The following SKAP2 variants were observed in gnomAD, a reference collection of about 807,000 sequenced individuals.
The protein encoded by SKAP2 is src kinase associated phosphoprotein 2, also known as src kinase-associated phosphoprotein 2.
A neutral mutation model predicts 54.9 loss-of-function variants in SKAP2; 28 were observed. The ratio of observed to expected loss-of-function variants is 0.51; its 90% CI spans 0.38 to 0.70. SKAP2 has a LOEUF of 0.70. Among genes scored for constraint, SKAP2 ranks in the 30% least tolerant of loss-of-function variants. The pLI, the probability that SKAP2 is intolerant of heterozygous loss-of-function variation, is 0.00. For synonymous variants in SKAP2, 137 were observed against 134.3 expected (o/e 1.02, Z -0.14); for missense variants, 356 against 424.1 (o/e 0.84, Z 1.41).
chr7:26,698,680 C>T (rs371620192), intron 9 of SKAP2, among the ~76,000 whole-genome samples: 1 of 152,144 alleles, frequency 6.6e-6, no homozygotes, highest in African/African-American at 2.4e-5. Flanking sequence ...GCTGAATTAG[C>T]CATTTTTTTA....
At position 26,836,321 on chromosome 7, in the gene SKAP2, A is replaced by C. The variant is rs551850747; in HGVS notation, c.307+7709T>G. ...GACTAAAACACCAAAAGCAATGGCAACAAAAGCCAGAATTGACAAATGCAA... is the reference window on the plus strand; with the variant it reads ...GACTAAAACACCAAAAGCAATGGCACCAAAAGCCAGAATTGACAAATGCAA... On this transcript the variant is annotated intron_variant, in intron 4 of 12. Transcript: ENST00000345317. Among the ~76,000 whole-genome samples the C allele has an allele frequency of 2.0e-5, 3 of 152,376 alleles. No homozygotes were observed. In the South Asian group the frequency reaches 6.2e-4, roughly 32 times the overall value.
intron 4 of SKAP2, among the ~76,000 whole-genome samples, chr7:26,814,075 T>C (rs879895127): frequency 2.0e-5 from 3 of 152,174 alleles, no homozygotes; most frequent in Non-Finnish European, 2.9e-5. Flanking sequence ...ACGATGCTAC[T>C]CTATAAATAT....
chr7:26,691,509 A>G (rs1403000654), intron 9 of SKAP2, among the ~76,000 whole-genome samples: 1 of 152,376 alleles, frequency 6.6e-6, no homozygotes, highest in African/African-American at 2.4e-5. Flanking sequence ...CAATCAGTCA[A>G]TCAATCTTCA....
chr7:26,696,058 G>C lies in SKAP2; in HGVS notation c.797-5696C>G, dbSNP rs79117255. Reference sequence around the variant, plus strand: ...GGAAAAGTTAGAGTCGAATCTAAGGGGTATGGGCAAAAGATTCACAATTAT... The same window carrying C: ...GGAAAAGTTAGAGTCGAATCTAAGGCGTATGGGCAAAAGATTCACAATTAT... On this transcript the variant is annotated intron_variant, in intron 9 of 12. Transcript: ENST00000345317. Among the ~76,000 whole-genome samples the C allele has an allele frequency of 7.0e-3, 1,061 of 152,286 alleles. 16 individuals are homozygous for C. Among genetic ancestry groups the C allele is most frequent in the African/African-American group, 0.024 (996 of 41,560 alleles).
At chr7:26,674,441 T>A (rs971282728) in intron 11 of SKAP2, among the ~76,000 whole-genome samples, 2 of 152,204 alleles carry the variant, frequency 1.3e-5, no homozygotes, top group Non-Finnish European at 1.5e-5. Flanking sequence ...TTTGTAAGAA[T>A]CCTCTCATTT....
chr7:26,747,344 C>T (rs1028475358), intron 4 of SKAP2, among the ~76,000 whole-genome samples: 1 of 152,086 alleles, frequency 6.6e-6, no homozygotes, highest in African/African-American at 2.4e-5. Context: ...CCATAGAATT[C>T]TCAGGAGGGT....
At chr7:26,730,210 T>C (rs899439382) in intron 6 of SKAP2, among the ~76,000 whole-genome samples, 3 of 152,216 alleles carry the variant, frequency 2.0e-5, no homozygotes, top group African/African-American at 7.2e-5. Flanking sequence ...CACCATTATG[T>C]GGTAAGTCAT....
intron 1 of SKAP2, 103 bp from the exon 2 acceptor site, chr7:26,854,993 T>C: frequency 2.8e-6 from 2 of 726,614 alleles, no homozygotes; most frequent in South Asian, 4.1e-5. Context: ...TGTTAATACC[T>C]GTACAATTTG....
At chr7:26,777,348 C>T (rs1428651479) in intron 4 of SKAP2, among the ~76,000 whole-genome samples, 1 of 151,918 alleles carries the variant, frequency 6.6e-6, no homozygotes, top group African/African-American at 2.4e-5. Flanking sequence ...AGATCTTTTT[C>T]TCCCCTAAGA....
At chr7:26,859,610 G>A (rs1785240494) in intron 1 of SKAP2, among the ~76,000 whole-genome samples, 1 of 152,160 alleles carries the variant, frequency 6.6e-6, no homozygotes, top group South Asian at 2.1e-4. Context: ...TTGACTTTGG[G>A]AAGCTAAATG....
intron 4 of SKAP2, among the ~76,000 whole-genome samples, chr7:26,801,412 G>C (rs949792777): frequency 6.6e-6 from 1 of 152,104 alleles, no homozygotes; most frequent in East Asian, 1.9e-4. Context: ...TACTGAATGA[G>C]GAAAAACTGA....
At chr7:26,813,111 C>T (rs10257556) in intron 4 of SKAP2, among the ~76,000 whole-genome samples, 18 of 152,104 alleles carry the variant, frequency 1.2e-4, no homozygotes, top group Non-Finnish European at 2.6e-4. Flanking sequence ...CTACTAACTT[C>T]AATTTTTTTA....
intron 6 of SKAP2, among the ~76,000 whole-genome samples, chr7:26,738,157 A>G (rs1787981778): frequency 6.6e-6 from 1 of 152,164 alleles, no homozygotes; most frequent in African/African-American, 2.4e-5. Context: ...TAGATCTGCC[A>G]TTTTCCAACT....
At chr7:26,811,465 T>A (rs1045205975) in intron 4 of SKAP2, among the ~76,000 whole-genome samples, 1 of 152,188 alleles carries the variant, frequency 6.6e-6, no homozygotes, top group Non-Finnish European at 1.5e-5. Context: ...ACACCCTCTT[T>A]ACCTAGTAGA....
chr7:26,765,774 G>A (rs1448831573), intron 4 of SKAP2, among the ~76,000 whole-genome samples: 1 of 152,176 alleles, frequency 6.6e-6, no homozygotes, highest in Non-Finnish European at 1.5e-5. Context: ...AGAGCAGATG[G>A]TTGTAGATGT....
intron 4 of SKAP2, among the ~76,000 whole-genome samples, chr7:26,798,513 G>A (rs554734386): frequency 5.5e-4 from 83 of 152,102 alleles, no homozygotes; most frequent in African/African-American, 1.9e-3. Flanking sequence ...AAATGCAACC[G>A]GAAGTACTTC....
At chr7:26,820,835 A>G (rs1019292033) in intron 4 of SKAP2, among the ~76,000 whole-genome samples, 2 of 152,228 alleles carry the variant, frequency 1.3e-5, no homozygotes, top group Non-Finnish European at 2.9e-5. Flanking sequence ...AATATGTACT[A>G]AAATCAAGTC....
intron 9 of SKAP2, among the ~76,000 whole-genome samples, chr7:26,717,518 A>T (rs1160652583): frequency 6.1e-5 from 7 of 115,334 alleles, no homozygotes; most frequent in South Asian, 3.1e-4. Context: ...TCAAAAAAAA[A>T]AAAAAAAAAA....
chr7:26,684,125 C>A (rs1786575486), intron 11 of SKAP2, among the ~76,000 whole-genome samples: 1 of 151,976 alleles, frequency 6.6e-6, no homozygotes, highest in South Asian at 2.1e-4. Flanking sequence ...TTTTAAGAAG[C>A]AGACACAAGA....
Sources: gnomAD v4.1 joint callset for allele counts (sites outside exome capture counted in the v4.1 genomes callset) on GRCh38, gnomAD v4.1.1 for gene constraint, MANE v1.5 for transcripts, NCBI Gene and HGNC (gene_info 2026-07-23, HGNC 2026-07-21) for gene names.